CSMD2: variants seen among roughly 807,000 people sequenced by gnomAD.
The protein encoded by CSMD2 is CUB and Sushi multiple domains 2, also known as CUB and sushi domain-containing protein 2.
Under a neutral mutation model 398.5 loss-of-function variants are expected in CSMD2, and 130 were observed. The observed-to-expected ratio is 0.33, with a 90% CI of 0.28 to 0.38. The LOEUF is 0.38. Ranked by LOEUF, CSMD2 falls within the 10% of genes least tolerant of loss-of-function variation. The pLI, the probability that CSMD2 is intolerant of heterozygous loss-of-function variation, is 1.00. For synonymous variants in CSMD2, 1,828 were observed against 1,908.5 expected, an observed-to-expected ratio of 0.96 and a Z score of 1.10; for missense variants, 3,829 against 4,764.9, an observed-to-expected ratio of 0.80 and a Z score of 5.78.
chr1:34,004,084 G>T (rs1178080226), intron 3 of CSMD2, among the ~76,000 whole-genome samples: 5 of 152,190 alleles, frequency 3.3e-5, no homozygotes, highest in Admixed American at 1.3e-4. Context: ...CACAACCTGA[G>T]TACAGCCAAA....
At chr1:33,730,652 T>G (rs2149220103) in intron 15 of CSMD2, among the ~76,000 whole-genome samples, 1 of 151,992 alleles carries the variant, frequency 6.6e-6, no homozygotes, top group African/African-American at 2.4e-5. Flanking sequence ...TTCTCTGTAA[T>G]TATATTATTG....
At chr1:33,832,967 T>C (rs182690929) in intron 6 of CSMD2, among the ~76,000 whole-genome samples, 118,241 of 151,082 alleles carry the variant, frequency 0.78, 47,095 homozygotes, top group East Asian at 0.94. Flanking sequence ...GTCGAATCTC[T>C]GAATAGACCA....
At chr1:33,527,724 A>C (rs997107584) in intron 64 of CSMD2, among the ~76,000 whole-genome samples, 5 of 152,196 alleles carry the variant, frequency 3.3e-5, no homozygotes, top group Non-Finnish European at 4.4e-5. Flanking sequence ...TGTTGTCTAC[A>C]TTCCAAATTA....
chr1:34,085,345 C>T (rs1041418832), intron 2 of CSMD2, among the ~76,000 whole-genome samples: 6 of 151,490 alleles, frequency 4.0e-5, no homozygotes, highest in Admixed American at 1.3e-4. Flanking sequence ...CAAACCTGCA[C>T]GTTGTGCACA....
chr1:34,013,295 C>G (rs542458914), intron 3 of CSMD2, among the ~76,000 whole-genome samples: 21 of 152,336 alleles, frequency 1.4e-4, no homozygotes, highest in African/African-American at 4.8e-4. Context: ...CATGGGCGAG[C>G]CTTTGTCTGC....
intron 60 of CSMD2, among the ~76,000 whole-genome samples, chr1:33,539,030 C>T (rs925708444): frequency 2.6e-5 from 4 of 151,858 alleles, no homozygotes; most frequent in East Asian, 3.9e-4. Flanking sequence ...TGCAGGGGTG[C>T]GATCTTGGCT....
intron 4 of CSMD2, among the ~76,000 whole-genome samples, chr1:33,919,285 A>G (rs1643868987): frequency 6.6e-6 from 1 of 152,230 alleles, no homozygotes; most frequent in East Asian, 1.9e-4. Context: ...AAACCCAGGA[A>G]GGGAGCTCCT....
At position 33,700,302 on chromosome 1, in the gene CSMD2, C is replaced by T. The variant is rs116441106; in HGVS notation, c.3733+215G>A. 1.2e-3 allele frequency among the ~76,000 whole-genome samples: 187 copies of T among 152,314 alleles called. 1 individual carries two copies. Among genetic ancestry groups the T allele is most frequent in the African/African-American group, 4.2e-3 (174 of 41,580 alleles). On this transcript the variant is annotated intron_variant, in intron 23 of 70. Transcript: ENST00000373381. ...GATTATAGGCATGAACCACTGTGCC[C>T]GGCCACTTCACTCCTTTTTATGGAC...
chr1:34,071,623 G>A (rs1655741850), intron 2 of CSMD2, among the ~76,000 whole-genome samples: 1 of 152,120 alleles, frequency 6.6e-6, no homozygotes, highest in Non-Finnish European at 1.5e-5. Flanking sequence ...AAGTCATATG[G>A]CTCCATCTAG....
intron 47 of CSMD2, among the ~76,000 whole-genome samples, chr1:33,583,201 T>C (rs887477024): frequency 7.9e-5 from 12 of 152,252 alleles, no homozygotes; most frequent in South Asian, 2.1e-4. Context: ...AGTTCTGCTA[T>C]GAATTTTTAG....
intron 13 of CSMD2, among the ~76,000 whole-genome samples, chr1:33,753,992 T>A (rs1178279840): frequency 1.3e-5 from 2 of 152,224 alleles, no homozygotes; most frequent in East Asian, 1.9e-4. Flanking sequence ...GTGGAAGGAA[T>A]TCATCTTCAG....
chr1:33,678,134 C>T (rs1416556547), intron 25 of CSMD2, among the ~76,000 whole-genome samples: 3 of 151,028 alleles, frequency 2.0e-5, no homozygotes, highest in African/African-American at 4.9e-5. Context: ...AAAAAAAGAG[C>T]GTGGCTCCTC....
At chr1:33,826,003 T>G (rs1658768529) in intron 6 of CSMD2, among the ~76,000 whole-genome samples, 1 of 152,142 alleles carries the variant, frequency 6.6e-6, no homozygotes, top group Non-Finnish European at 1.5e-5. Context: ...AAAAATGTGG[T>G]CTCCTACTGG....
At chr1:33,662,409 A>T (rs1402424240) in intron 26 of CSMD2, among the ~76,000 whole-genome samples, 4 of 152,302 alleles carry the variant, frequency 2.6e-5, no homozygotes, top group African/African-American at 9.6e-5. Context: ...ACATTCCTGC[A>T]TCTACACTTG....
At chr1:33,741,378 G>C (rs513049) in intron 14 of CSMD2, among the ~76,000 whole-genome samples, 48,820 of 151,924 alleles carry the variant, frequency 0.32, 10,378 homozygotes, top group African/African-American at 0.61. Context: ...TGGCCATGGA[G>C]GATTGTTTCA....
chr1:33,764,053 T>C (rs1415972869), intron 13 of CSMD2, among the ~76,000 whole-genome samples: 2 of 152,168 alleles, frequency 1.3e-5, no homozygotes, highest in Non-Finnish European at 2.9e-5. Flanking sequence ...CCCTATTCCC[T>C]TGGGTGAGGA....
intron 42 of CSMD2, among the ~76,000 whole-genome samples, chr1:33,604,694 G>A (rs1640465653): frequency 6.6e-6 from 1 of 152,188 alleles, no homozygotes; most frequent in African/African-American, 2.4e-5. Context: ...GCAGATGAGG[G>A]TGGAGGCAGC....
intron 5 of CSMD2, among the ~76,000 whole-genome samples, chr1:33,914,767 A>G (rs1032943704): frequency 5.9e-5 from 9 of 152,176 alleles, no homozygotes; most frequent in Admixed American, 5.9e-4. Context: ...ACTGTTATTT[A>G]TGTGTGCTCC....
intron 3 of CSMD2, among the ~76,000 whole-genome samples, chr1:33,950,698 G>A (rs899631650): frequency 1.3e-5 from 2 of 152,136 alleles, no homozygotes; most frequent in Non-Finnish European, 2.9e-5. Context: ...TGGGAGTTAG[G>A]TGTTACCAGG....
Sources: allele counts gnomAD v4.1 joint callset (sites outside exome capture counted in the v4.1 genomes callset), GRCh38; gene constraint gnomAD v4.1.1; transcripts MANE v1.5; gene names NCBI Gene and HGNC (gene_info 2026-07-23, HGNC 2026-07-21).